ERBIN: variants seen among roughly 807,000 people sequenced by gnomAD.
The protein encoded by ERBIN is erbb2 interacting protein.
ERBIN carries 60 observed loss-of-function variants against 158.4 expected under a neutral mutation model. The observed-to-expected ratio is 0.38, with a 90% confidence interval of 0.31 to 0.47. The LOEUF (loss-of-function observed/expected upper bound fraction) is 0.47, where lower values mean the gene tolerates loss of function less well. Among genes scored for constraint, ERBIN ranks in the 20% least tolerant of loss-of-function variants. The probability of loss-of-function intolerance (pLI) is 0.99; values close to 1 mark genes in which losing one functional copy is unlikely to be tolerated. For synonymous variants in ERBIN, 594 were observed against 557.2 expected (o/e 1.07, Z -0.93); for missense variants, 1,610 against 1,648.0 (o/e 0.98, Z 0.40).
intron 7 of ERBIN, among the ~76,000 whole-genome samples, chr5:66,016,045 C>T (rs112680554): frequency 6.6e-6 from 1 of 152,114 alleles, no homozygotes; most frequent in Admixed American, 6.5e-5. Context: ...GTGTATCTTC[C>T]CCTTGGTTTC....
chr5:65,997,334 A>G (rs552089404), intron 4 of ERBIN, among the ~76,000 whole-genome samples: 1 of 152,276 alleles, frequency 6.6e-6, no homozygotes, highest in South Asian at 2.1e-4. Context: ...ATTTTGTCAA[A>G]TGCTTTTTCT....
At chr5:66,058,550 T>C (rs987773281) in intron 21 of ERBIN, among the ~76,000 whole-genome samples, 8 of 151,114 alleles carry the variant, frequency 5.3e-5, no homozygotes, top group South Asian at 2.1e-4. Flanking sequence ...TTAGATCCCA[T>C]TTGTCAATTT....
Position 66,026,431 on chromosome 5 carries a change from T to C in ERBIN, c.1136+14T>C. On this transcript the variant is annotated intron_variant, in intron 13 of 25. Coordinates refer to ENST00000284037, the MANE Select transcript of ERBIN (RefSeq NM_001253697.2). ...AAGTGATAATAGGTTCGTAATACTA[T>C]ATTCATCAGTTGGTTTATAGGAGAC... The C allele has an allele frequency of 7.1e-7, 1 of 1,415,684 alleles. No homozygotes were observed. The highest frequency in any genetic ancestry group is 2.4e-5 in the East Asian group (1 of 41,652). 87.7% of individuals were successfully genotyped at this position (1,415,684 alleles called of 1,614,324 possible).
chr5:66,022,067 C>G (rs1755752860), intron 8 of ERBIN, among the ~76,000 whole-genome samples: 1 of 151,742 alleles, frequency 6.6e-6, no homozygotes, highest in African/African-American at 2.4e-5. Context: ...TGGTAGCTCT[C>G]AAATGATGGT....
intron 15 of ERBIN, 127 bp from the exon 16 acceptor site, chr5:66,042,950 A>G (rs538149542): frequency 4.5e-6 from 3 of 668,572 alleles, no homozygotes; most frequent in Admixed American, 5.5e-5. Flanking sequence ...AATTTCTTGC[A>G]TTGACCATTC....
intron 1 of ERBIN, among the ~76,000 whole-genome samples, chr5:65,950,810 G>T (rs1264642190): frequency 6.6e-6 from 1 of 151,618 alleles, no homozygotes; most frequent in East Asian, 1.9e-4. Context: ...TTTCCTGTAG[G>T]ATCAGTTGTC....
rs541887584 is a variant in ERBIN, at chr5:66,028,210, C to A, written c.1137-64C>A. 8.1e-6 allele frequency: 10 copies of A among 1,229,616 alleles called. No individual in the cohort carries two copies. In the Admixed American group the frequency reaches 2.0e-4, roughly 25 times the overall value. 76.2% of individuals were successfully genotyped at this position (1,229,616 alleles called of 1,614,324 possible). On this transcript the variant is annotated intron_variant, in intron 13 of 25. Coordinates refer to ENST00000284037, the MANE Select transcript of ERBIN (RefSeq NM_001253697.2). ...TTTTTCAGAAAACCTTTAGGTTGAACCCTCATTCATTTTAAATCTTCTCAT... is the reference window on the plus strand; with the variant it reads ...TTTTTCAGAAAACCTTTAGGTTGAAACCTCATTCATTTTAAATCTTCTCAT...
intron 1 of ERBIN, among the ~76,000 whole-genome samples, chr5:65,957,305 A>G (rs1472574282): frequency 5.3e-5 from 8 of 151,942 alleles, no homozygotes; most frequent in Non-Finnish European, 1.5e-5. Flanking sequence ...AGTGGAGGGA[A>G]GGTCAGCAGA....
At chr5:65,983,176 A>G (rs532698963) in intron 1 of ERBIN, among the ~76,000 whole-genome samples, 1 of 152,342 alleles carries the variant, frequency 6.6e-6, no homozygotes, top group Admixed American at 6.5e-5. Context: ...TAAAATTTTA[A>G]CACTGTTCAT....
chr5:66,026,047 T>TG, intron 12 of ERBIN, 70 bp downstream of exon 12: 1 of 1,242,634 alleles, frequency 8.0e-7, no homozygotes. Context: ...TTATAGCTAT[T>TG]TAGTGTGGCT....
chr5:66,061,994 A>T (rs1442646405), intron 21 of ERBIN, among the ~76,000 whole-genome samples: 1 of 152,000 alleles, frequency 6.6e-6, no homozygotes, highest in Non-Finnish European at 1.5e-5. Flanking sequence ...CTTCATTTCA[A>T]CTTTGGTGAA....
At chr5:66,024,854 A>G (rs1756065628) in intron 10 of ERBIN, among the ~76,000 whole-genome samples, 1 of 152,090 alleles carries the variant, frequency 6.6e-6, no homozygotes, top group Non-Finnish European at 1.5e-5. Context: ...TGCTTGTTCA[A>G]TGATATGTCA....
rs1019083779 is a variant in ERBIN at position 65,931,811 on chromosome 5, T to C, written c.-58+5005T>C. ...GGAAAAGGGAGGAAGATTTTCTTTC[T>C]TTTCTTTCTTTTTTTTTTTTTTTTT... On this transcript the variant is annotated intron_variant, in intron 1 of 25. Transcript: ENST00000284037. 3.4e-5 allele frequency among the ~76,000 whole-genome samples: 5 copies of C among 146,768 alleles called. No individual in the cohort carries two copies. The Admixed American group carries it at 3.5e-4, about 10-fold the overall frequency.
intron 2 of ERBIN, among the ~76,000 whole-genome samples, chr5:65,990,829 C>T (rs528379266): frequency 2.6e-5 from 4 of 151,508 alleles, no homozygotes; most frequent in East Asian, 3.9e-4. Context: ...GGCACAATCA[C>T]GGCTCACTGC....
At chr5:65,953,392 G>C (rs1746741649) in intron 1 of ERBIN, among the ~76,000 whole-genome samples, 2 of 152,136 alleles carry the variant, frequency 1.3e-5, no homozygotes, top group Admixed American at 1.3e-4. Context: ...GCTCCAGTTA[G>C]ACAAGTCCTC....
In ERBIN at chr5:66,050,799, A is replaced by G. The variant is rs1378805459; in HGVS notation, c.1920A>G (p.Thr640=). 1 of 1,555,936 alleles carries G rather than the reference A, an allele frequency of 6.4e-7. No individual in the cohort carries two copies. The highest frequency in any genetic ancestry group is 1.4e-5 in the African/African-American group (1 of 71,310). ...TTGTTTCAGATGATACAAAGGAAAC[A>G]GATTCTTTATCAGATGAAGTTACAC... is the stretch of plus-strand genomic sequence containing the variant. ...SNNKKDDTKE[T]DSLSDEVTHN... is the part of the protein sequence containing the mutation. Residue 640 remains threonine, a synonymous_variant, in exon 20 of 26, where the codon ACA becomes ACG. Transcript: ENST00000284037.
chr5:66,062,446 AT>A (rs919449792), intron 21 of ERBIN, among the ~76,000 whole-genome samples: 2 of 151,634 alleles, frequency 1.3e-5, no homozygotes, highest in African/African-American at 4.9e-5. Context: ...CATTAGTCTA[AT>A]TTTTTTTCAA....
intron 21 of ERBIN, chr5:66,068,806 C>A: frequency 2.3e-6 from 3 of 1,331,636 alleles, no homozygotes; most frequent in Non-Finnish European, 9.9e-7. Context: ...AATAAGTCTA[C>A]GTATATAACA....
chr5:66,076,662 AAAAGT>A, intron 24 of ERBIN: 3 of 601,462 alleles, frequency 5.0e-6, no homozygotes, highest in Non-Finnish European at 8.8e-6. Flanking sequence ...ACACACCTAT[AAAAGT>A]AATTTTATTA....
Sources: allele counts gnomAD v4.1 joint callset (sites outside exome capture counted in the v4.1 genomes callset), GRCh38; gene constraint gnomAD v4.1.1; transcripts MANE v1.5; gene names NCBI Gene and HGNC (gene_info 2026-07-23, HGNC 2026-07-21).